The following TLK2 variants were observed in gnomAD, a reference collection of about 807,000 sequenced individuals.
The protein encoded by TLK2 is tousled like kinase 2.
In TLK2, 6 loss-of-function variants were observed where a neutral mutation model predicts 117.3. The ratio of observed to expected loss-of-function variants is 0.05; its 90% CI spans 0.03 to 0.10. The LOEUF is 0.10. Ranked by LOEUF, TLK2 falls within the 10% of genes least tolerant of loss-of-function variation. The pLI is 1.00. For missense variants in TLK2, 299 were observed against 901.2 expected (o/e 0.33, Z 8.56); for synonymous variants, 257 against 316.7 (o/e 0.81, Z 2.00).
At chr17:62,504,571 A>G (rs2145085296) in intron 2 of TLK2, among the ~76,000 whole-genome samples, 1 of 152,282 alleles carries the variant, frequency 6.6e-6, no homozygotes, top group African/African-American at 2.4e-5. Flanking sequence ...TGGGAGGCCA[A>G]GGTGGGTGGA....
At chr17:62,559,008 T>C (rs2079056765) in intron 9 of TLK2, among the ~76,000 whole-genome samples, 2 of 152,194 alleles carry the variant, frequency 1.3e-5, no homozygotes, top group African/African-American at 4.8e-5. Flanking sequence ...AGAGCTGAGA[T>C]CTTTTTTTTA....
chr17:62,503,728 CT>C (rs34498481), intron 2 of TLK2, among the ~76,000 whole-genome samples: 113,628 of 126,760 alleles, frequency 0.9, 51,999 homozygotes, highest in Non-Finnish European at 0.99. Flanking sequence ...CTAGTTATAT[CT>C]TTTTTTTTTT....
intron 7 of TLK2, among the ~76,000 whole-genome samples, chr17:62,546,547 T>C (rs1256385886): frequency 1.3e-5 from 2 of 149,212 alleles, no homozygotes; most frequent in South Asian, 2.1e-4. Flanking sequence ...TTTCTTATTT[T>C]CTTTTTCTTT....
chr17:62,593,105 G>A (rs559171640), intron 16 of TLK2, among the ~76,000 whole-genome samples: 3 of 152,174 alleles, frequency 2.0e-5, no homozygotes, highest in Admixed American at 6.5e-5. Flanking sequence ...AACAAGGCAC[G>A]GACCTGTACT....
At chr17:62,521,557 T>C (rs1296478958) in intron 3 of TLK2, among the ~76,000 whole-genome samples, 1 of 152,090 alleles carries the variant, frequency 6.6e-6, no homozygotes, top group Non-Finnish European at 1.5e-5. Flanking sequence ...CGTGCCTGGC[T>C]AATTTTTAAA....
intron 15 of TLK2, among the ~76,000 whole-genome samples, chr17:62,583,276 G>T (rs1356862039): frequency 6.6e-6 from 1 of 151,918 alleles, no homozygotes; most frequent in Non-Finnish European, 1.5e-5. Flanking sequence ...TGTATTTTTA[G>T]TAGAGACGGG....
intron 7 of TLK2, among the ~76,000 whole-genome samples, chr17:62,546,670 C>T (rs1295328134): frequency 6.6e-6 from 1 of 151,252 alleles, no homozygotes; most frequent in Non-Finnish European, 1.5e-5. Context: ...ATTCTTCTGC[C>T]TCAGCCTCCC....
chr17:62,566,603 A>C (rs1430998172), intron 11 of TLK2, among the ~76,000 whole-genome samples: 2 of 152,212 alleles, frequency 1.3e-5, no homozygotes, highest in African/African-American at 4.8e-5. Context: ...TGTGCTCTTA[A>C]GCATAGGTGG....
rs551594897 is a variant in TLK2, at chr17:62,568,900, G to A, written c.968+3763G>A. ...CAAACCATCTGATTCTCAGTCATAT[G>A]ATTCACTCATTTTGTTGATTTTATA... is the stretch of plus-strand genomic sequence containing the variant. On this transcript the variant is annotated intron_variant, in intron 11 of 21. Coordinates refer to ENST00000346027, the MANE Select transcript of TLK2 (RefSeq NM_006852.6). 1.3e-3 allele frequency among the ~76,000 whole-genome samples: 204 copies of A among 152,194 alleles called. 7 individuals are homozygous for A. In the South Asian group the frequency reaches 0.04, roughly 30 times the overall value.
chr17:62,487,823 ATGTTGGTCAGGT>A (rs2072626037), intron 2 of TLK2, among the ~76,000 whole-genome samples: 1 of 151,712 alleles, frequency 6.6e-6, no homozygotes, highest in Non-Finnish European at 1.5e-5. Context: ...GGGTTTCTTC[ATGTTGGTCAGGT>A]TGTTCTTGAA....
At chr17:62,506,509 AT>A (rs1453063389) in intron 2 of TLK2, among the ~76,000 whole-genome samples, 3 of 151,778 alleles carry the variant, frequency 2.0e-5, no homozygotes, top group Non-Finnish European at 4.4e-5. Context: ...TGGCAGTGGG[AT>A]TTTTTTTCTT....
At chr17:62,517,206 C>T (rs2075671085) in intron 2 of TLK2, among the ~76,000 whole-genome samples, 1 of 150,256 alleles carries the variant, frequency 6.7e-6, no homozygotes, top group African/African-American at 2.5e-5. Context: ...TGCCAGCCTC[C>T]AGCACCAGGT....
At chr17:62,575,181 C>A (rs1244468520) in intron 12 of TLK2, among the ~76,000 whole-genome samples, 1 of 152,188 alleles carries the variant, frequency 6.6e-6, no homozygotes, top group East Asian at 1.9e-4. Flanking sequence ...CAATTGCTAT[C>A]TGGTGTCCTG....
chr17:62,525,151 C>T (rs1447220946), intron 6 of TLK2, among the ~76,000 whole-genome samples: 1 of 152,166 alleles, frequency 6.6e-6, no homozygotes, highest in Non-Finnish European at 1.5e-5. Flanking sequence ...GGTATTGCCT[C>T]TGGGATCTTG....
intron 16 of TLK2, among the ~76,000 whole-genome samples, chr17:62,586,927 G>T (rs758160416): frequency 6.6e-6 from 1 of 151,958 alleles, no homozygotes; most frequent in Non-Finnish European, 1.5e-5. Context: ...AGAAGAGACT[G>T]GGGGCACCTG....
intron 7 of TLK2, among the ~76,000 whole-genome samples, chr17:62,538,455 TTC>T (rs1174196526): frequency 6.6e-6 from 1 of 152,220 alleles, no homozygotes; most frequent in Non-Finnish European, 1.5e-5. Flanking sequence ...TTGAGAGGAA[TTC>T]TGTTTGTTTA....
chr17:62,508,666 A>C, intron 2 of TLK2: 1 of 779,122 alleles, frequency 1.3e-6, no homozygotes, highest in Non-Finnish European at 1.6e-6. Flanking sequence ...ACGAAATAAG[A>C]CATAAAAATC....
intron 2 of TLK2, among the ~76,000 whole-genome samples, chr17:62,505,930 T>C (rs1211662381): frequency 9.8e-5 from 15 of 152,318 alleles, no homozygotes; most frequent in Admixed American, 9.8e-4. Context: ...TGGGCTCAAG[T>C]GATCCTCCTG....
chr17:62,566,413 C>T (rs1162621449), intron 11 of TLK2, among the ~76,000 whole-genome samples: 11 of 152,160 alleles, frequency 7.2e-5, no homozygotes, highest in African/African-American at 2.7e-4. Flanking sequence ...CGTTAGTAGT[C>T]CTTGTTTTAT....
Sources: allele counts gnomAD v4.1 joint callset (sites outside exome capture counted in the v4.1 genomes callset), GRCh38; gene constraint gnomAD v4.1.1; transcripts MANE v1.5; gene names NCBI Gene and HGNC (gene_info 2026-07-23, HGNC 2026-07-21).